The following CACNA1A variants were observed in gnomAD, a reference collection of about 807,000 sequenced individuals.
CACNA1A encodes calcium voltage-gated channel subunit alpha1 A, also known as voltage-dependent P/Q-type calcium channel subunit alpha-1A.
CACNA1A carries 57 observed loss-of-function variants against 262.4 expected under a neutral mutation model. The observed-to-expected ratio is 0.22, with a 90% confidence interval of 0.18 to 0.27. The LOEUF is 0.27. Among genes scored for constraint, CACNA1A ranks in the 10% least tolerant of loss-of-function variants. The pLI is 1.00. For missense variants in CACNA1A, 2,526 were observed against 3,562.8 expected, an observed-to-expected ratio of 0.71 and a Z score of 7.41; for synonymous variants, 1,431 against 1,419.3, an observed-to-expected ratio of 1.01 and a Z score of -0.18.
chr19:13,276,436 C>T (rs11085841), intron 23 of CACNA1A, among the ~76,000 whole-genome samples: 26,781 of 152,186 alleles, frequency 0.18, 2,672 homozygotes, highest in Non-Finnish European at 0.22. Flanking sequence ...CAAGTCCCTC[C>T]TCTGCTCAGA....
At chr19:13,254,368 C>G (rs1480282041) in intron 29 of CACNA1A, among the ~76,000 whole-genome samples, 2 of 145,430 alleles carry the variant, frequency 1.4e-5, no homozygotes, top group Non-Finnish European at 3.0e-5. Flanking sequence ...TTTTTCTTTT[C>G]TTTTTTTTTT....
intron 3 of CACNA1A, among the ~76,000 whole-genome samples, chr19:13,392,076 C>A (rs76730029): frequency 1.1e-4 from 17 of 148,166 alleles, no homozygotes; most frequent in Admixed American, 1.1e-3. Flanking sequence ...CTGGGCACAA[C>A]GTTGCATGTC....
chr19:13,349,611 T>C (rs569295216), intron 6 of CACNA1A, among the ~76,000 whole-genome samples: 7 of 152,274 alleles, frequency 4.6e-5, no homozygotes, highest in Non-Finnish European at 8.8e-5. Flanking sequence ...CCCCATTCTA[T>C]CCCCTTGAGC....
chr19:13,211,021 T>C, intron 43 of CACNA1A: 1 of 264,202 alleles, frequency 3.8e-6, no homozygotes, highest in Non-Finnish European at 7.4e-6. Context: ...CTCCGGCCGA[T>C]GCTCAAAGCT....
chr19:13,457,945 T>C (rs1336293327), intron 1 of CACNA1A, among the ~76,000 whole-genome samples: 4 of 150,456 alleles, frequency 2.7e-5, no homozygotes, highest in Non-Finnish European at 5.9e-5. Context: ...GAAGCAGACA[T>C]AAAATACCCC....
intron 6 of CACNA1A, among the ~76,000 whole-genome samples, chr19:13,336,860 C>T (rs745582710): frequency 5.9e-5 from 9 of 152,182 alleles, no homozygotes; most frequent in Non-Finnish European, 1.0e-4. Context: ...GCACTAACCA[C>T]CTGGCCCCAG....
intron 9 of CACNA1A, among the ~76,000 whole-genome samples, chr19:13,331,705 T>C (rs984796145): frequency 6.6e-6 from 1 of 152,132 alleles, no homozygotes; most frequent in Non-Finnish European, 1.5e-5. Context: ...GGTCTCACTC[T>C]GTCACCCAGG....
intron 1 of CACNA1A, among the ~76,000 whole-genome samples, chr19:13,468,382 AG>A (rs1325804907): frequency 6.6e-6 from 1 of 152,120 alleles, no homozygotes; most frequent in African/African-American, 2.4e-5. Context: ...CACTCTACCA[AG>A]GGGGAATCCT....
chr19:13,343,990 C>T (rs915686004), intron 6 of CACNA1A, among the ~76,000 whole-genome samples: 27 of 152,080 alleles, frequency 1.8e-4, no homozygotes, highest in African/African-American at 5.6e-4. Context: ...GCAGGAGGAT[C>T]GCTTGAGCTA....
intron 3 of CACNA1A, among the ~76,000 whole-genome samples, chr19:13,445,910 C>T (rs1341394558): frequency 6.6e-6 from 1 of 152,084 alleles, no homozygotes; most frequent in African/African-American, 2.4e-5. Flanking sequence ...CGTGGTGGTC[C>T]ACACAAAATG....
intron 3 of CACNA1A, among the ~76,000 whole-genome samples, chr19:13,448,081 TGA>T (rs1687359186): frequency 1.6e-5 from 2 of 123,564 alleles, no homozygotes; most frequent in African/African-American, 6.7e-5. Flanking sequence ...CGTGTTATTA[TGA>T]AAAAAAAAAA....
At chr19:13,450,352 A>T (rs1479953574) in intron 3 of CACNA1A, 1 of 151,910 alleles carries the variant, frequency 6.6e-6, no homozygotes, top group Admixed American at 6.6e-5. Flanking sequence ...AGCTCTCCTC[A>T]TGGCTCACTC....
chr19:13,391,053 A>AT (rs1244708517), intron 3 of CACNA1A, among the ~76,000 whole-genome samples: 1 of 151,930 alleles, frequency 6.6e-6, no homozygotes, highest in Non-Finnish European at 1.5e-5. Context: ...TTCCTGGCTA[A>AT]TTTTTTGTAT....
chr19:13,240,002 G>A (rs1018149263), intron 31 of CACNA1A, among the ~76,000 whole-genome samples: 4 of 151,902 alleles, frequency 2.6e-5, no homozygotes, highest in African/African-American at 9.7e-5. Context: ...AATACAAGAA[G>A]TGGCCTGGCG....
intron 1 of CACNA1A, among the ~76,000 whole-genome samples, chr19:13,483,416 G>C (rs1055490385): frequency 3.9e-5 from 6 of 152,020 alleles, no homozygotes; most frequent in African/African-American, 1.4e-4. Context: ...GGAGAAGTTG[G>C]CTCCACCCCA....
At position 13,236,303 on chromosome 19, in the gene CACNA1A, ATC is replaced by A; in HGVS notation, c.4951-575_4951-574del. Reference sequence around the variant, plus strand: ...ATGTTACGCTCCGGGCCAGAAATGCATCTGTCACGGGACTCACCGGGCACCCT... The same window carrying A: ...ATGTTACGCTCCGGGCCAGAAATGCATGTCACGGGACTCACCGGGCACCCT... On this transcript the variant is annotated intron_variant, in intron 31 of 46. Transcript: ENST00000360228. The surrounding 1 kb of genome is among the most constrained non-coding windows in gnomAD (Gnocchi z 4.6). 6.5e-6 allele frequency: 1 copy of A among 154,818 alleles called. No homozygotes were observed. Among genetic ancestry groups the A allele is most frequent in the East Asian group, 1.9e-4 (1 of 5,214 alleles). The allele number at this position is 154,818 out of a possible 1,614,324, so 9.6% of individuals were successfully genotyped here. A position where few individuals can be genotyped will look rare whatever the true frequency, so the allele number is the denominator to read the frequency against.
intron 24 of CACNA1A, among the ~76,000 whole-genome samples, chr19:13,267,816 T>C (rs1379494182): frequency 6.6e-6 from 1 of 151,860 alleles, no homozygotes; most frequent in Non-Finnish European, 1.5e-5. Flanking sequence ...GGTCTCCCTC[T>C]GTTGCCCAGG....
At chr19:13,268,315 C>G (rs940121691) in intron 24 of CACNA1A, among the ~76,000 whole-genome samples, 2 of 152,142 alleles carry the variant, frequency 1.3e-5, no homozygotes, top group Admixed American at 1.3e-4. Flanking sequence ...CATTAGGCGC[C>G]TTCAACAATG....
chr19:13,218,881 G>T (rs1172012467), intron 38 of CACNA1A, among the ~76,000 whole-genome samples: 2 of 152,108 alleles, frequency 1.3e-5, no homozygotes, highest in Non-Finnish European at 2.9e-5. Flanking sequence ...GGGATTACAG[G>T]GGTCTGGCAC....
Sources: gnomAD v4.1 joint callset for allele counts (sites outside exome capture counted in the v4.1 genomes callset) on GRCh38, gnomAD v4.1.1 for gene constraint, Gnocchi (gnomAD v3.1) non-coding constraint, MANE v1.5 for transcripts, NCBI Gene and HGNC (gene_info 2026-07-23, HGNC 2026-07-21) for gene names.